The following OTOF variants were observed in gnomAD, a reference collection of about 807,000 sequenced individuals.
OTOF encodes otoferlin, also known as fer-1-like family member 2.
Under a neutral mutation model 236.8 loss-of-function variants are expected in OTOF, and 218 were observed. That is an observed-to-expected ratio of 0.92 (90% CI 0.82 to 1.03). The LOEUF is 1.03. Ranked by LOEUF, OTOF falls within the 50% of genes least tolerant of loss-of-function variation. The probability of loss-of-function intolerance (pLI) is 0.00; values close to 1 mark genes in which losing one functional copy is unlikely to be tolerated. For missense variants in OTOF, 2,590 were observed against 2,694.4 expected (o/e 0.96, Z 0.86); for synonymous variants, 1,041 against 1,072.5 (o/e 0.97, Z 0.57).
rs868022279 is a variant in OTOF, at chr2:26,461,782, G to A, written c.5447C>T (p.Ser1816Phe). 6.2e-7 allele frequency: 1 copy of A among 1,614,166 alleles called. No individual in the cohort carries two copies. Among genetic ancestry groups the A allele is most frequent in the Non-Finnish European group, 8.5e-7 (1 of 1,180,028 alleles). ...IVISKKESMF[S>F]WDETEYKIPA... ...GATCTTGTACTCGGTCTCGTCCCAG[G>A]AGAACATGGACTCCTTCTTGGAGAT... Residue 1816 changes from serine (S) to phenylalanine (F), a missense_variant, in exon 43 of 47, where the codon TCC becomes TTC. Coordinates refer to ENST00000272371, the MANE Select transcript of OTOF (RefSeq NM_194248.3). The surrounding 1 kb of genome is among the most constrained non-coding windows in gnomAD (Gnocchi z 6.2).
At chr2:26,479,153 C>T (rs1354292830) in intron 18 of OTOF, 111 bp downstream of exon 18, 24 of 1,400,910 alleles carry the variant, frequency 1.7e-5, no homozygotes, top group Middle Eastern at 2.4e-4. Flanking sequence ...CTGCTGGGGC[C>T]GTTCCTGCAG....
At chr2:26,540,429 A>G (rs549124675) in intron 1 of OTOF, among the ~76,000 whole-genome samples, 1 of 152,172 alleles carries the variant, frequency 6.6e-6, no homozygotes, top group Non-Finnish European at 1.5e-5. Context: ...CCAAGGAGGT[A>G]CTGGAGGGGT....
intron 6 of OTOF, among the ~76,000 whole-genome samples, chr2:26,503,567 G>A (rs529205552): frequency 5.3e-5 from 8 of 152,246 alleles, no homozygotes; most frequent in Non-Finnish European, 1.0e-4. Context: ...CTTGTAACCA[G>A]GCACCCCCGA....
rs1342899300 is a variant in OTOF, at chr2:26,473,868, C to A, written c.3408+123G>T. The A allele has an allele frequency of 1.2e-5, 16 of 1,341,640 alleles. No homozygotes were observed. The Admixed American group carries it at 2.8e-4, about 23-fold the overall frequency. The allele number at this position is 1,341,640 out of a possible 1,614,324, so 83.1% of individuals were successfully genotyped here. A position where few individuals can be genotyped will look rare whatever the true frequency, so the allele number is the denominator to read the frequency against. The stretch of plus-strand genomic sequence containing the variant: ...GATGGGGGCAGGCCCTGGGCTGGGG[C>A]AGGAGCCTGGGTCTGCTGCTGGCTC... On this transcript the variant is annotated intron_variant, in intron 27 of 46. Coordinates refer to ENST00000272371, the MANE Select transcript of OTOF (RefSeq NM_194248.3). The surrounding 1 kb of genome is among the most constrained non-coding windows in gnomAD (Gnocchi z 7.2).
At position 26,460,288 on chromosome 2, in the gene OTOF, G is replaced by A. The variant is rs953602176; in HGVS notation, c.5814-83C>T. The A allele has an allele frequency of 4.3e-6, 5 of 1,162,986 alleles. No homozygotes were observed. The highest frequency in any genetic ancestry group is 6.3e-6 in the Non-Finnish European group (5 of 795,162). The allele number at this position is 1,162,986 out of a possible 1,614,324, so 72.0% of individuals were successfully genotyped here. On this transcript the variant is annotated intron_variant, in intron 45 of 46. Coordinates refer to ENST00000272371, the MANE Select transcript of OTOF (RefSeq NM_194248.3). The surrounding 1 kb of genome is among the most constrained non-coding windows in gnomAD (Gnocchi z 5.3). ...GTGGCGAGGGGCCAAGACCAAGAGG[G>A]AAGCTGTCCTGGGCTGTGTGTGCAG...
intron 6 of OTOF, 40 bp downstream of exon 6, chr2:26,503,732 G>A (rs373894962): frequency 9.5e-6 from 15 of 1,580,746 alleles, no homozygotes; most frequent in African/African-American, 6.7e-5. Context: ...AGGGCGCCGC[G>A]AGGCGCGGGG....
intron 2 of OTOF, among the ~76,000 whole-genome samples, chr2:26,530,657 A>C (rs1399194537): frequency 6.6e-6 from 1 of 151,838 alleles, no homozygotes; most frequent in Non-Finnish European, 1.5e-5. Context: ...TCCCTCCCGC[A>C]TCATTCGTCT....
rs765211310 is a variant in OTOF at position 26,479,281 on chromosome 2, G to C, written c.2197C>G (p.His733Asp). The C allele has an allele frequency of 2.5e-6, 4 of 1,612,940 alleles. No homozygotes were observed. The highest frequency in any genetic ancestry group is 3.4e-6 in the Non-Finnish European group (4 of 1,179,972). Residue 733 changes from histidine to aspartate, a missense_variant, in exon 18 of 47, where the codon CAC becomes GAC. By Grantham distance (81) the His-to-Asp change is moderately conservative. Transcript: ENST00000272371. ...RRLYNANIMD[H>D]IADKLEEGLN... Reference sequence around the variant, plus strand: ...GCCCTGACCAGCTTGTCGGCAATGTGGTCCATGATGTTGGCATTGTAGAGG... The same window carrying C: ...GCCCTGACCAGCTTGTCGGCAATGTCGTCCATGATGTTGGCATTGTAGAGG...
chr2:26,459,300 C>T (rs1051845128), intron 46 of OTOF, among the ~76,000 whole-genome samples: 1 of 152,080 alleles, frequency 6.6e-6, no homozygotes. Flanking sequence ...CGCCTGTAAT[C>T]CCAGCACTTT....
intron 7 of OTOF, among the ~76,000 whole-genome samples, 165 bp downstream of exon 7, chr2:26,502,135 G>A (rs948274798): frequency 6.6e-6 from 1 of 152,228 alleles, no homozygotes. Context: ...TGCAGGGAGA[G>A]AGGTGAGAAA....
intron 8 of OTOF, among the ~76,000 whole-genome samples, chr2:26,501,390 G>A (rs1666112858): frequency 6.6e-6 from 1 of 152,176 alleles, no homozygotes; most frequent in African/African-American, 2.4e-5. Flanking sequence ...AATCATGCCA[G>A]GAAAACTTTC....
chr2:26,531,112 G>T (rs1369143689), intron 2 of OTOF, among the ~76,000 whole-genome samples: 1 of 152,188 alleles, frequency 6.6e-6, no homozygotes, highest in African/African-American at 2.4e-5. Flanking sequence ...AGGCCCCCTT[G>T]CTGTGCCCAG....
rs1423179711 is a variant in OTOF at position 26,473,414 on chromosome 2, A to G, written c.3562T>C (p.Phe1188Leu). ...NPNFNTLVKW[F>L]EVDLPENELL... is the part of the protein sequence containing the mutation. ...CCAGGGCCTGCACTCACCACTTCAA[A>G]CCACTTGACGAGGGTGTTGAAGTTG... Residue 1188 changes from phenylalanine to leucine, a missense_variant, in exon 28 of 47, where the codon TTT becomes CTT. This residue lies in a region of OTOF where 1,211 missense variants were observed against 1,352.8 expected (regional missense o/e 0.90). Transcript: ENST00000272371. The surrounding 1 kb of genome is among the most constrained non-coding windows in gnomAD (Gnocchi z 7.2). The G allele has an allele frequency of 6.2e-7, 1 of 1,613,232 alleles. No individual in the cohort carries two copies. Among genetic ancestry groups the G allele is most frequent in the Non-Finnish European group, 8.5e-7 (1 of 1,179,976 alleles).
At chr2:26,504,303 CG>C (rs895294413) in intron 5 of OTOF, among the ~76,000 whole-genome samples, 17 of 152,190 alleles carry the variant, frequency 1.1e-4, no homozygotes, top group African/African-American at 4.1e-4. Context: ...ATCAGAACGG[CG>C]GGGCAGGGAC....
At chr2:26,488,684 C>A (rs1340042276) in intron 11 of OTOF, among the ~76,000 whole-genome samples, 6 of 152,354 alleles carry the variant, frequency 3.9e-5, no homozygotes, top group Middle Eastern at 6.8e-3. Context: ...GGACACACAG[C>A]CTGACTTCAC....
At chr2:26,525,613 G>A (rs1395469604) in intron 3 of OTOF, among the ~76,000 whole-genome samples, 1 of 152,208 alleles carries the variant, frequency 6.6e-6, no homozygotes, top group Non-Finnish European at 1.5e-5. Context: ...CTGGCAGAAA[G>A]CATTTGTTCA....
In OTOF at chr2:26,463,075, G is replaced by A. The variant is rs547304628; in HGVS notation, c.5192+408C>T. Among the ~76,000 whole-genome samples the A allele has an allele frequency of 5.9e-5, 9 of 152,288 alleles. No individual in the cohort carries two copies. In the South Asian group the frequency reaches 1.9e-3, roughly 32 times the overall value. On this transcript the variant is annotated intron_variant, in intron 41 of 46. Coordinates refer to ENST00000272371, the MANE Select transcript of OTOF (RefSeq NM_194248.3). ...GGATGACGCAGGGCCGGCTCCCAGGGGTTCTGTGTGTTGTGAAGGAGTGCG... is the reference window on the plus strand; with the variant it reads ...GGATGACGCAGGGCCGGCTCCCAGGAGTTCTGTGTGTTGTGAAGGAGTGCG...
intron 5 of OTOF, among the ~76,000 whole-genome samples, 188 bp downstream of exon 5, chr2:26,516,230 C>A (rs1348212294): frequency 6.6e-6 from 1 of 152,192 alleles, no homozygotes; most frequent in Non-Finnish European, 1.5e-5. Flanking sequence ...TGCCCAGTGA[C>A]CTCGGGGGTG....
At position 26,510,817 on chromosome 2, in the gene OTOF, C is replaced by T; in HGVS notation, c.509+5601G>A. On this transcript the variant is annotated intron_variant, in intron 5 of 46. Transcript: ENST00000272371. ...AGGGGCTGTGGACCAGAGACACTGG[C>T]CTCAGCCCCGGCCCCACGGGCCTGC... is the stretch of plus-strand genomic sequence containing the variant. 1.1e-5 allele frequency: 12 copies of T among 1,104,292 alleles called. No homozygotes were observed. In the South Asian group the frequency reaches 1.6e-4, roughly 14 times the overall value. The allele number at this position is 1,104,292 out of a possible 1,614,324, so 68.4% of individuals were successfully genotyped here. A position where few individuals can be genotyped will look rare whatever the true frequency, so the allele number is the denominator to read the frequency against.
Sources: gnomAD v4.1 joint callset for allele counts (sites outside exome capture counted in the v4.1 genomes callset) on GRCh38, gnomAD v4.1.1 for gene constraint, gnomAD v4.1.1 regional missense constraint, Gnocchi (gnomAD v3.1) non-coding constraint, MANE v1.5 for transcripts, NCBI Gene and HGNC (gene_info 2026-07-23, HGNC 2026-07-21) for gene names.